The following SZT2 variants were observed in gnomAD, a reference collection of about 807,000 sequenced individuals.
SZT2 encodes the protein KICSTOR complex protein SZT2.
Under a neutral mutation model 404.2 loss-of-function variants are expected in SZT2, and 216 were observed. The ratio of observed to expected loss-of-function variants is 0.53; its 90% CI spans 0.48 to 0.60. SZT2 has a LOEUF of 0.60. Ranked by LOEUF, SZT2 falls within the 20% of genes least tolerant of loss-of-function variation. The pLI, the probability that SZT2 is intolerant of heterozygous loss-of-function variation, is 0.00. For missense variants in SZT2, 3,857 were observed against 4,459.2 expected (o/e 0.86, Z 3.85); for synonymous variants, 1,693 against 1,749.9 (o/e 0.97, Z 0.81).
At chr1:43,429,547 G>A in intron 28 of SZT2, 156 bp from the exon 29 acceptor site, 2 of 804,964 alleles carry the variant, frequency 2.5e-6, no homozygotes, top group African/African-American at 1.7e-5. Flanking sequence ...AAATGTGTAG[G>A]TTGGTTCTCT....
chr1:43,441,899 A>G lies in SZT2; in HGVS notation c.7742+81A>G. On this transcript the variant is annotated intron_variant, in intron 55 of 71. Coordinates refer to ENST00000634258, the MANE Select transcript of SZT2 (RefSeq NM_001365999.1). This position sits in a 1 kb window ranked among gnomAD's most constrained non-coding sequence, Gnocchi z 4.8. ...GGCCTACAGGAAGCCAAACCTGAGG[A>G]AGCTGAGCTAGGAGAGGTGGAAACA... 1 of 1,597,238 alleles carries G rather than the reference A, an allele frequency of 6.3e-7. No individual in the cohort carries two copies. Among genetic ancestry groups the G allele is most frequent in the Admixed American group, 1.7e-5 (1 of 59,302 alleles).
At chr1:43,449,377 C>T (rs973351849) in intron 70 of SZT2, 2 of 160,926 alleles carry the variant, frequency 1.2e-5, no homozygotes, top group Admixed American at 1.2e-4. Context: ...GTGAGGGGTC[C>T]TGCAGCACAG....
In SZT2 at chr1:43,452,903, A is replaced by G. The variant is rs1656595598; in HGVS notation, c.*2423A>G. The G allele has an allele frequency of 1.3e-6, 2 of 1,599,388 alleles. No homozygotes were observed. Among genetic ancestry groups the G allele is most frequent in the South Asian group, 1.1e-5 (1 of 87,936 alleles). Reference sequence around the variant, plus strand: ...CTCCCCATCCCAACAGGCTACATACATGTCCAGCCTCAGGAACGCTGCCAA... The same window carrying G: ...CTCCCCATCCCAACAGGCTACATACGTGTCCAGCCTCAGGAACGCTGCCAA... On this transcript the variant is annotated 3_prime_UTR_variant, in exon 72 of 72. Coordinates refer to ENST00000634258, the MANE Select transcript of SZT2 (RefSeq NM_001365999.1).
intron 1 of SZT2, among the ~76,000 whole-genome samples, chr1:43,392,333 C>T (rs1024243126): frequency 1.3e-5 from 2 of 151,720 alleles, no homozygotes; most frequent in Non-Finnish European, 2.9e-5. Flanking sequence ...ATATAGTAGT[C>T]TTTACCATAT....
intron 46 of SZT2, 99 bp downstream of exon 46, chr1:43,438,001 T>TA: frequency 1.6e-6 from 2 of 1,248,972 alleles, no homozygotes; most frequent in South Asian, 2.5e-5. Context: ...AGAAGTTATG[T>TA]AACAGTCTCA....
chr1:43,398,176 T>G (rs1249178487), intron 1 of SZT2, among the ~76,000 whole-genome samples: 4 of 152,208 alleles, frequency 2.6e-5, no homozygotes, highest in Non-Finnish European at 4.4e-5. Flanking sequence ...GTGTTGACAC[T>G]AGTGTTAAGG....
chr1:43,447,260 G>C, intron 66 of SZT2, 92 bp downstream of exon 66: 1 of 1,369,702 alleles, frequency 7.3e-7, no homozygotes, highest in Non-Finnish European at 1.0e-6. Context: ...CCCTGGACAA[G>C]TGGTCCCATG....
In SZT2 at chr1:43,426,111, G is replaced by A. The variant is rs1360251497; in HGVS notation, c.3003G>A (p.Gln1001=). ...TTGACCTAATGGGATTGCTGCCACA[G>A]TGCCAGCAGCTCCAGATGTTCTTCC... ...FHFDLMGLLP[Q]CQQLQMFFLL... is the part of the protein sequence containing the mutation. Residue 1001 remains glutamine, a synonymous_variant, in exon 21 of 72, where the codon CAG becomes CAA. Transcript: ENST00000634258. This position sits in a 1 kb window ranked among gnomAD's most constrained non-coding sequence, Gnocchi z 4.9. 2 of 1,614,178 alleles carry A rather than the reference G, an allele frequency of 1.2e-6. No individual in the cohort carries two copies. The highest frequency in any genetic ancestry group is 1.3e-5 in the African/African-American group (1 of 75,040).
In SZT2 at chr1:43,441,072, G is replaced by T; in HGVS notation, c.7345-142G>T. ...CAGGAAAGTTAGGTAACCTGCCCAA[G>T]GCTCCTTAGCCAGCCCCTGGGGAAG... On this transcript the variant is annotated intron_variant, in intron 52 of 71. Coordinates refer to ENST00000634258, the MANE Select transcript of SZT2 (RefSeq NM_001365999.1). This position sits in a 1 kb window ranked among gnomAD's most constrained non-coding sequence, Gnocchi z 4.8. 2.9e-6 allele frequency: 3 copies of T among 1,039,604 alleles called. No homozygotes were observed. The Admixed American group carries it at 7.1e-5, about 25-fold the overall frequency. 64.4% of individuals were successfully genotyped at this position (1,039,604 alleles called of 1,614,324 possible). A position where few individuals can be genotyped will look rare whatever the true frequency, so the allele number is the denominator to read the frequency against.
In SZT2 at chr1:43,420,848, C is replaced by T; in HGVS notation, c.1361C>T (p.Pro454Leu). ...CCCTGGCCCCTGGAGCCTGAGGGCC[C>T]TCGAGTAACACGGGTGGAAGTGACG... ...MAPWPLEPEGPRVTRVEVTME... is the reference protein window; with the variant it reads ...MAPWPLEPEGLRVTRVEVTME... Residue 454 changes from proline (P) to leucine (L), a missense_variant, in exon 10 of 72, where the codon CCT becomes CTT. Transcript: ENST00000634258. This position sits in a 1 kb window ranked among gnomAD's most constrained non-coding sequence, Gnocchi z 5.1. 6.3e-7 allele frequency: 1 copy of T among 1,598,462 alleles called. No individual in the cohort carries two copies. The highest frequency in any genetic ancestry group is 8.5e-7 in the Non-Finnish European group (1 of 1,179,812).
At position 43,430,962 on chromosome 1, in the gene SZT2, C is replaced by T. The variant is rs1376564910; in HGVS notation, c.4788C>T (p.Ser1596=). 1 of 1,613,490 alleles carries T rather than the reference C, an allele frequency of 6.2e-7. No homozygotes were observed. The highest frequency in any genetic ancestry group is 1.7e-5 in the Admixed American group (1 of 59,862). The change falls in exon 33 of 72, where the codon TCC becomes TCT. Residue 1596 remains serine, a synonymous_variant. Coordinates refer to ENST00000634258, the MANE Select transcript of SZT2 (RefSeq NM_001365999.1). ...SLPTCLGQVL[S]SLEGPPVGGR... ...CCCCTCTCCCAGGCCAGGTGCTTTCCAGTCTGGAGGGCCCCCCAGTTGGAG... is the reference window on the plus strand; with the variant it reads ...CCCCTCTCCCAGGCCAGGTGCTTTCTAGTCTGGAGGGCCCCCCAGTTGGAG...
At chr1:43,438,863 A>G (rs1654748222) in intron 47 of SZT2, 46 bp downstream of exon 47, 1 of 1,611,522 alleles carries the variant, frequency 6.2e-7, no homozygotes, top group Non-Finnish European at 8.5e-7. Flanking sequence ...ACTCAGCCAC[A>G]GGTTCCAGGA....
Position 43,441,322 on chromosome 1 carries a change from C to G in SZT2, c.7453C>G (p.Arg2485Gly), listed in dbSNP as rs1034287121. 1.2e-6 allele frequency: 2 copies of G among 1,614,174 alleles called. No homozygotes were observed. Among genetic ancestry groups the G allele is most frequent in the Admixed American group, 1.7e-5 (1 of 60,024 alleles). Residue 2485 changes from arginine to glycine, a missense_variant, in exon 53 of 72, where the codon CGG (arginine) becomes GGG (glycine). Transcript: ENST00000634258. The surrounding 1 kb of genome is among the most constrained non-coding windows in gnomAD (Gnocchi z 4.8). ...GAGGCGTCACAAAACCGAGAGTGTT[C>G]GGACTCCTGGTGGAGCTGAGCGGGC... ...GRRRHKTESVRTPGGAERAPG... is the reference protein window; with the variant it reads ...GRRRHKTESVGTPGGAERAPG...
chr1:43,443,801 G>A lies in SZT2; in HGVS notation c.8825+5G>A. On this transcript the variant is annotated splice_donor_5th_base_variant and intron_variant, in intron 62 of 71. Coordinates refer to ENST00000634258, the MANE Select transcript of SZT2 (RefSeq NM_001365999.1). ...GCCCCCCTCACCCGCCCGCAGGTGA[G>A]CCCGTCCCTGTTTTCCCTTCTGTCT... The A allele has an allele frequency of 6.2e-7, 1 of 1,612,996 alleles. No individual in the cohort carries two copies. The highest frequency in any genetic ancestry group is 8.5e-7 in the Non-Finnish European group (1 of 1,179,982).
At chr1:43,408,651 T>C (rs953544382) in intron 4 of SZT2, among the ~76,000 whole-genome samples, 1 of 152,242 alleles carries the variant, frequency 6.6e-6, no homozygotes, top group Non-Finnish European at 1.5e-5. Context: ...TGATTTTTAA[T>C]GTCCTGTTAA....
intron 4 of SZT2, chr1:43,409,966 AAAAC>A (rs1425894201): frequency 7.2e-5 from 11 of 152,326 alleles, no homozygotes; most frequent in African/African-American, 2.4e-4. Context: ...TATTCTGAGC[AAAAC>A]AAACAAAACT....
intron 70 of SZT2, 153 bp from the exon 71 acceptor site, chr1:43,449,950 C>A: frequency 1.2e-6 from 1 of 858,282 alleles, no homozygotes; most frequent in Non-Finnish European, 1.9e-6. Flanking sequence ...AGGACTGAGG[C>A]TCAATTTGGA....
At position 43,453,821 on chromosome 1, in the gene SZT2, C is replaced by T; in HGVS notation, c.*3341C>T. 8.1e-7 allele frequency: 1 copy of T among 1,236,380 alleles called. No individual in the cohort carries two copies. Among genetic ancestry groups the T allele is most frequent in the South Asian group, 3.6e-5 (1 of 27,894 alleles). The allele number at this position is 1,236,380 out of a possible 1,614,324, so 76.6% of individuals were successfully genotyped here. A position where few individuals can be genotyped will look rare whatever the true frequency, so the allele number is the denominator to read the frequency against. On this transcript the variant is annotated 3_prime_UTR_variant, in exon 72 of 72. Coordinates refer to ENST00000634258, the MANE Select transcript of SZT2 (RefSeq NM_001365999.1). ...CTGGGGAGGCCGGGCCGGGCGGAGT[C>T]CGCGGGATCCAAAGGCGGCGGGCGG...
intron 1 of SZT2, among the ~76,000 whole-genome samples, chr1:43,402,555 G>A (rs961029464): frequency 2.0e-5 from 3 of 152,246 alleles, no homozygotes; most frequent in African/African-American, 7.2e-5. Context: ...GACATGTGTA[G>A]TGGAAGGACA....
Sources: gnomAD v4.1 joint callset for allele counts (sites outside exome capture counted in the v4.1 genomes callset) on GRCh38, gnomAD v4.1.1 for gene constraint, Gnocchi (gnomAD v3.1) non-coding constraint, MANE v1.5 for transcripts, NCBI Gene and HGNC (gene_info 2026-07-23, HGNC 2026-07-21) for gene names.